The following PMF1 variants were observed in gnomAD, a reference collection of about 807,000 sequenced individuals.
The protein encoded by PMF1 is polyamine modulated factor 1.
Under a neutral mutation model 26.7 loss-of-function variants are expected in PMF1, and 21 were observed. That is an observed-to-expected ratio of 0.79 (90% CI 0.56 to 1.13). The LOEUF is 1.13. PMF1 is among the 50% of genes most tolerant of loss of function. The probability of loss-of-function intolerance (pLI) is 0.00; values close to 1 mark genes in which losing one functional copy is unlikely to be tolerated. For missense variants in PMF1, 266 were observed against 254.9 expected, an observed-to-expected ratio of 1.04 and a Z score of -0.30; for synonymous variants, 105 against 101.0, an observed-to-expected ratio of 1.04 and a Z score of -0.24.
At chr1:156,235,265 C>G (rs569915232) in intron 3 of PMF1, among the ~76,000 whole-genome samples, 2 of 150,994 alleles carry the variant, frequency 1.3e-5, no homozygotes, top group Admixed American at 1.3e-4. Context: ...GCTGGGATTA[C>G]AGCGCCCGCC....
chr1:156,225,756 C>T (rs186136213), intron 1 of PMF1: 7 of 560,498 alleles, frequency 1.2e-5, no homozygotes, highest in Non-Finnish European at 2.3e-5. Context: ...TGCTGTCCTG[C>T]ACAATTTATC....
At chr1:156,232,548 G>C (rs550306503) in intron 2 of PMF1, 123 bp downstream of exon 2, 2 of 851,894 alleles carry the variant, frequency 2.3e-6, no homozygotes, top group African/African-American at 1.7e-5. Context: ...AGCTGTCCTG[G>C]GTGCCCAGCA....
intron 1 of PMF1, chr1:156,225,438 T>G: frequency 1.6e-6 from 1 of 629,340 alleles, no homozygotes; most frequent in Non-Finnish European, 3.0e-6. Context: ...TAGTCTTTTA[T>G]CCCTCACCCC....
intron 1 of PMF1, among the ~76,000 whole-genome samples, chr1:156,228,615 A>G (rs1418610668): frequency 6.6e-6 from 1 of 152,088 alleles, no homozygotes; most frequent in Non-Finnish European, 1.5e-5. Flanking sequence ...CCTGGGCCCT[A>G]TCCGCTGTCA....
chr1:156,225,748 C>A, intron 1 of PMF1: 1 of 602,188 alleles, frequency 1.7e-6, no homozygotes. Context: ...TCTTTCCATG[C>A]TGTCCTGCAC....
chr1:156,220,249 C>T (rs946163192), intron 1 of PMF1, among the ~76,000 whole-genome samples: 28 of 151,958 alleles, frequency 1.8e-4, no homozygotes, highest in African/African-American at 6.3e-4. Context: ...CAGGCGTGAG[C>T]CACCATGCCC....
chr1:156,236,870 A>C (rs1313269866), intron 4 of PMF1: 2 of 213,682 alleles, frequency 9.4e-6, no homozygotes, highest in Non-Finnish European at 9.4e-6. Context: ...AACCCGGTAT[A>C]TGGTAGGGGG....
At chr1:156,228,734 C>T (rs1658527855) in intron 1 of PMF1, among the ~76,000 whole-genome samples, 1 of 152,092 alleles carries the variant, frequency 6.6e-6, no homozygotes, top group Non-Finnish European at 1.5e-5. Flanking sequence ...TTTTAAGCCA[C>T]AATTACCCAG....
chr1:156,228,429 C>G (rs2103107842), intron 1 of PMF1, among the ~76,000 whole-genome samples: 1 of 152,090 alleles, frequency 6.6e-6, no homozygotes, highest in South Asian at 2.1e-4. Context: ...ACCAGTCTGG[C>G]TGCCTTTCTC....
chr1:156,223,377 T>C (rs968048220), intron 1 of PMF1: 1 of 152,142 alleles, frequency 6.6e-6, no homozygotes, highest in African/African-American at 2.4e-5. Flanking sequence ...TCATGATACA[T>C]CCACACTCCA....
At chr1:156,229,560 C>G (rs897018348) in intron 1 of PMF1, among the ~76,000 whole-genome samples, 5 of 138,734 alleles carry the variant, frequency 3.6e-5, no homozygotes, top group Admixed American at 7.2e-5. Flanking sequence ...GTCTTTAGGA[C>G]CTTTGTTTTG....
chr1:156,236,261 T>C (rs1163097663), intron 3 of PMF1, 27 bp from the exon 4 acceptor site: 1 of 1,589,016 alleles, frequency 6.3e-7, no homozygotes, highest in South Asian at 1.1e-5. Context: ...GCCTCCTTCA[T>C]TCCTTGTGCC....
intron 1 of PMF1, among the ~76,000 whole-genome samples, chr1:156,216,061 ATCT>A (rs1558188088): frequency 1.3e-5 from 2 of 152,074 alleles, no homozygotes; most frequent in Admixed American, 6.6e-5. Flanking sequence ...CAAGGTTCCA[ATCT>A]TCTTGGAGTA....
intron 1 of PMF1, 94 bp downstream of exon 1, chr1:156,213,270 T>C: frequency 6.5e-7 from 1 of 1,538,886 alleles, no homozygotes; most frequent in Admixed American, 2.0e-5. Flanking sequence ...CGCGGTGACG[T>C]GGGTCCGCGT....
chr1:156,238,587 C>T (rs1317519728), intron 4 of PMF1, among the ~76,000 whole-genome samples: 1 of 152,208 alleles, frequency 6.6e-6, no homozygotes, highest in Non-Finnish European at 1.5e-5. Flanking sequence ...ATCCAATGTA[C>T]ATCTACTTAT....
At chr1:156,227,560 G>A (rs1307180906) in intron 1 of PMF1, among the ~76,000 whole-genome samples, 4 of 149,780 alleles carry the variant, frequency 2.7e-5, no homozygotes, top group Admixed American at 6.7e-5. Flanking sequence ...ATAGTGGTGC[G>A]ATTTCAGCTC....
Position 156,239,967 on chromosome 1 carries a change from C to G in PMF1, c.*366C>G, listed in dbSNP as rs1659253095. 1 of 241,328 alleles carries G rather than the reference C, an allele frequency of 4.1e-6. No individual in the cohort carries two copies. The highest frequency in any genetic ancestry group is 5.5e-5 in the Admixed American group (1 of 18,206). 14.9% of individuals were successfully genotyped at this position (241,328 alleles called of 1,614,324 possible). On this transcript the variant is annotated 3_prime_UTR_variant, in exon 5 of 5. Coordinates refer to ENST00000368277, the MANE Select transcript of PMF1 (RefSeq NM_007221.4). Reference sequence around the variant, plus strand: ...CTGTTTTCAATCTCCACTGATTGCCCCCTTGCTGGCCAGCCCAGGGGCCTT... The same window carrying G: ...CTGTTTTCAATCTCCACTGATTGCCGCCTTGCTGGCCAGCCCAGGGGCCTT...
intron 1 of PMF1, among the ~76,000 whole-genome samples, chr1:156,221,143 C>T (rs761891972): frequency 6.6e-6 from 1 of 152,126 alleles, no homozygotes; most frequent in African/African-American, 2.4e-5. Context: ...CCTCTCCTTA[C>T]TTTCACCCCC....
At chr1:156,227,507 T>TTA (rs1558193347) in intron 1 of PMF1, among the ~76,000 whole-genome samples, 9 of 150,536 alleles carry the variant, frequency 6.0e-5, no homozygotes, top group Non-Finnish European at 1.3e-4. Flanking sequence ...TTATTTTATT[T>TTA]TTTTTTTGAG....
Sources: gnomAD v4.1 joint callset for allele counts (sites outside exome capture counted in the v4.1 genomes callset) on GRCh38, gnomAD v4.1.1 for gene constraint, MANE v1.5 for transcripts, NCBI Gene and HGNC (gene_info 2026-07-23, HGNC 2026-07-21) for gene names.